NPAT: variants seen among roughly 807,000 people sequenced by gnomAD.
The protein encoded by NPAT is protein NPAT.
Under a neutral mutation model 130.7 loss-of-function variants are expected in NPAT, and 52 were observed. The ratio of observed to expected loss-of-function variants is 0.40; its 90% CI spans 0.32 to 0.50. The LOEUF is 0.50. Among genes scored for constraint, NPAT ranks in the 20% least tolerant of loss-of-function variants. NPAT has a pLI of 0.68. For synonymous variants in NPAT, 580 were observed against 584.8 expected (o/e 0.99, Z 0.12); for missense variants, 1,687 against 1,662.6 (o/e 1.01, Z -0.26).
chr11:108,170,558 G>A (rs1247616957), intron 13 of NPAT, among the ~76,000 whole-genome samples: 1 of 152,182 alleles, frequency 6.6e-6, no homozygotes, highest in Non-Finnish European at 1.5e-5. Context: ...CAAAACTATG[G>A]AGGGAAAATT....
At chr11:108,189,696 C>T (rs1307369040) in intron 5 of NPAT, among the ~76,000 whole-genome samples, 2 of 150,908 alleles carry the variant, frequency 1.3e-5, no homozygotes, top group African/African-American at 2.4e-5. Flanking sequence ...CGGTGAAACC[C>T]CGTCTCTACT....
At chr11:108,221,743 T>C (rs2078503568) in intron 1 of NPAT, among the ~76,000 whole-genome samples, 1 of 152,100 alleles carries the variant, frequency 6.6e-6, no homozygotes, top group Non-Finnish European at 1.5e-5. Context: ...TGTAGTACAA[T>C]CCTCTTTATT....
intron 15 of NPAT, among the ~76,000 whole-genome samples, chr11:108,169,064 C>A (rs530887741): frequency 6.6e-6 from 1 of 152,202 alleles, no homozygotes; most frequent in East Asian, 1.9e-4. Context: ...ACTGAAACAA[C>A]AGAGACTAAA....
rs2077843213 is a variant in NPAT, at chr11:108,161,126, A to G, written c.3960T>C (p.Ser1320=). The change falls in exon 17 of 18, where the codon AGT becomes AGC. Residue 1320 remains serine, a synonymous_variant. Transcript: ENST00000278612. Reference sequence around the variant, plus strand: ...TTACACTGTTTTCACTTCCTGTTTCACTGGCAGGGCTGCAGGCAGGCAAGT... The same window carrying G: ...TTACACTGTTTTCACTTCCTGTTTCGCTGGCAGGGCTGCAGGCAGGCAAGT... The part of the protein sequence containing the change: ...TPDLPACSPA[S]ETGSENSVNM... 6.2e-7 allele frequency: 1 copy of G among 1,614,012 alleles called. No homozygotes were observed. Among genetic ancestry groups the G allele is most frequent in the Non-Finnish European group, 8.5e-7 (1 of 1,180,050 alleles).
At chr11:108,188,041 T>A (rs2078124928) in intron 7 of NPAT, 57 bp downstream of exon 7, 2 of 1,182,316 alleles carry the variant, frequency 1.7e-6, no homozygotes, top group East Asian at 4.7e-5. Flanking sequence ...CTGATGTAAT[T>A]CTTTTTTTTT....
chr11:108,158,756 T>C lies in NPAT; in HGVS notation c.*186A>G. 1 of 538,344 alleles carries C rather than the reference T, an allele frequency of 1.9e-6. No individual in the cohort carries two copies. The highest frequency in any genetic ancestry group is 3.3e-6 in the Non-Finnish European group (1 of 300,782). 33.3% of individuals were successfully genotyped at this position (538,344 alleles called of 1,614,324 possible). On this transcript the variant is annotated 3_prime_UTR_variant, in exon 18 of 18. Transcript: ENST00000278612. Reference sequence around the variant, plus strand: ...AAACGTTTTTCCCAAAATAAAAATATACCAAGTAAGTCTATTTACAAACTA... The same window carrying C: ...AAACGTTTTTCCCAAAATAAAAATACACCAAGTAAGTCTATTTACAAACTA...
intron 6 of NPAT, among the ~76,000 whole-genome samples, chr11:108,188,409 A>G (rs2078129880): frequency 6.6e-6 from 1 of 152,230 alleles, no homozygotes; most frequent in Non-Finnish European, 1.5e-5. Context: ...CTCAACAAAA[A>G]ATAATACAGT....
intron 10 of NPAT, among the ~76,000 whole-genome samples, chr11:108,184,899 G>C (rs2078091589): frequency 6.6e-6 from 1 of 152,118 alleles, no homozygotes; most frequent in South Asian, 2.1e-4. Flanking sequence ...TAGCAGTGTA[G>C]AAGAAATGTA....
At chr11:108,220,672 A>AT (rs1459203486) in intron 1 of NPAT, among the ~76,000 whole-genome samples, 5 of 152,228 alleles carry the variant, frequency 3.3e-5, no homozygotes, top group Non-Finnish European at 7.3e-5. Context: ...ATATGTATCT[A>AT]TTTAAGATGT....
chr11:108,191,650 C>A (rs1042559423), intron 4 of NPAT, among the ~76,000 whole-genome samples: 2 of 152,186 alleles, frequency 1.3e-5, no homozygotes, highest in African/African-American at 4.8e-5. Flanking sequence ...GTTTTCATAA[C>A]AAATTCTATA....
At chr11:108,167,908 T>C (rs1457131015) in intron 15 of NPAT, among the ~76,000 whole-genome samples, 4 of 152,180 alleles carry the variant, frequency 2.6e-5, no homozygotes, top group Admixed American at 1.3e-4. Context: ...GAAAAGGATA[T>C]GAATAAGCAA....
At chr11:108,182,543 G>C (rs778483993) in intron 10 of NPAT, among the ~76,000 whole-genome samples, 1 of 152,180 alleles carries the variant, frequency 6.6e-6, no homozygotes, top group Admixed American at 6.5e-5. Flanking sequence ...TGTCGCCTAC[G>C]CTGGAGTGCA....
At chr11:108,202,237 C>T (rs967435730) in intron 1 of NPAT, among the ~76,000 whole-genome samples, 5 of 151,982 alleles carry the variant, frequency 3.3e-5, no homozygotes, top group African/African-American at 1.2e-4. Context: ...TATCATTATC[C>T]TCAGTTTTCC....
At chr11:108,204,148 G>T (rs1283308270) in intron 1 of NPAT, among the ~76,000 whole-genome samples, 1 of 152,174 alleles carries the variant, frequency 6.6e-6, no homozygotes, top group East Asian at 1.9e-4. Context: ...AGGGAGGATT[G>T]ATAGCAGCAA....
At chr11:108,174,822 T>C (rs988819933) in intron 12 of NPAT, among the ~76,000 whole-genome samples, 8 of 152,002 alleles carry the variant, frequency 5.3e-5, no homozygotes, top group African/African-American at 1.7e-4. Context: ...TTTCACCGTG[T>C]TGGCTAGGCT....
chr11:108,196,220 C>T (rs1418589061), intron 2 of NPAT, among the ~76,000 whole-genome samples: 1 of 152,152 alleles, frequency 6.6e-6, no homozygotes, highest in African/African-American at 2.4e-5. Context: ...GTTGATAAGA[C>T]CATCCTTTCT....
intron 1 of NPAT, among the ~76,000 whole-genome samples, chr11:108,202,767 C>T (rs1477468410): frequency 6.6e-6 from 1 of 152,102 alleles, no homozygotes; most frequent in East Asian, 1.9e-4. Flanking sequence ...TAGATTTCAC[C>T]CCTATGCAGA....
intron 17 of NPAT, among the ~76,000 whole-genome samples, chr11:108,159,885 G>T (rs941711495): frequency 6.6e-6 from 1 of 151,670 alleles, no homozygotes; most frequent in African/African-American, 2.4e-5. Flanking sequence ...AGGCGTGGTG[G>T]CTCATGCCTG....
intron 2 of NPAT, 74 bp downstream of exon 2, chr11:108,197,228 T>C: frequency 9.2e-7 from 1 of 1,085,908 alleles, no homozygotes; most frequent in Middle Eastern, 2.1e-4. Context: ...TTTTTTCTGA[T>C]AAGCTGATTT....
Sources: gnomAD v4.1 joint callset for allele counts (sites outside exome capture counted in the v4.1 genomes callset) on GRCh38, gnomAD v4.1.1 for gene constraint, MANE v1.5 for transcripts, NCBI Gene and HGNC (gene_info 2026-07-23, HGNC 2026-07-21) for gene names.